NFIL3: variants seen among roughly 807,000 people sequenced by gnomAD.
The protein encoded by NFIL3 is nuclear factor interleukin-3-regulated protein.
A neutral mutation model predicts 10.0 loss-of-function variants in NFIL3; 5 were observed. The ratio of observed to expected loss-of-function variants is 0.50; its 90% CI spans 0.26 to 1.06. The LOEUF is 1.06. Among genes scored for constraint, NFIL3 ranks in the 50% least tolerant of loss-of-function variants. The probability of loss-of-function intolerance (pLI) is 0.13; values close to 1 mark genes in which losing one functional copy is unlikely to be tolerated. For missense variants in NFIL3, 436 were observed against 547.6 expected (o/e 0.80, Z 2.03); for synonymous variants, 202 against 206.5 (o/e 0.98, Z 0.19).
upstream of NFIL3, among the ~76,000 whole-genome samples, chr9:91,428,791 CAT>C (rs780442673): frequency 3.9e-5 from 6 of 152,186 alleles, no homozygotes; most frequent in Non-Finnish European, 7.3e-5. Context: ...AAAACTGAAA[CAT>C]GTCTTTAAAT....
At chr9:91,448,147 T>C in the NFIL3 span, among the ~76,000 whole-genome samples, 1 of 152,210 alleles carries the variant, frequency 6.6e-6, no homozygotes, top group African/African-American at 2.4e-5. Flanking sequence ...AATTTTATTC[T>C]AGTGCTCTTA....
At chr9:91,440,026 C>T in the NFIL3 span, among the ~76,000 whole-genome samples, 1 of 152,262 alleles carries the variant, frequency 6.6e-6, no homozygotes, top group African/African-American at 2.4e-5. Flanking sequence ...ATGCTTGCCT[C>T]ATAAAGTATG....
At chr9:91,439,737 G>A in the NFIL3 span, among the ~76,000 whole-genome samples, 19 of 152,032 alleles carry the variant, frequency 1.2e-4, no homozygotes, top group African/African-American at 4.3e-4. Context: ...GTTGGACTTC[G>A]TTAAATGCTT....
the NFIL3 span, among the ~76,000 whole-genome samples, chr9:91,450,217 C>G: frequency 1.3e-5 from 2 of 151,918 alleles, no homozygotes; most frequent in African/African-American, 4.8e-5. Flanking sequence ...TGCTATCTAA[C>G]CTTTATTCTT....
the NFIL3 span, among the ~76,000 whole-genome samples, chr9:91,440,878 A>G: frequency 6.6e-6 from 1 of 152,010 alleles, no homozygotes; most frequent in Non-Finnish European, 1.5e-5. Flanking sequence ...CTTCGATATG[A>G]TTTTAGTTTT....
the NFIL3 span, among the ~76,000 whole-genome samples, chr9:91,461,477 A>G: frequency 6.7e-6 from 1 of 149,760 alleles, no homozygotes; most frequent in African/African-American, 2.5e-5. Context: ...TTCGTGGCTT[A>G]AAACAACAGA....
the NFIL3 span, among the ~76,000 whole-genome samples, chr9:91,477,132 G>A: frequency 2.6e-5 from 4 of 152,280 alleles, no homozygotes; most frequent in Middle Eastern, 3.4e-3. Context: ...GTGGCCTCGA[G>A]AGCCTGAAAT....
In NFIL3 at chr9:91,409,553, T is replaced by C. The variant is rs1833498484; in HGVS notation, c.1182A>G (p.Lys394=). ...QVTNIQDWSL[K]SEHWHQKELS... The stretch of plus-strand genomic sequence containing the variant: ...GTTCTTTTTGATGCCAGTGCTCCGA[T>C]TTGAGAGACCAATCTTGAATGTTAG... Residue 394 remains lysine (K), a synonymous_variant, in exon 2 of 2, where the codon AAA becomes AAG. Transcript: ENST00000297689. 1 of 1,614,100 alleles carries C rather than the reference T, an allele frequency of 6.2e-7. No individual in the cohort carries two copies. The highest frequency in any genetic ancestry group is 1.3e-5 in the African/African-American group (1 of 75,058).
chr9:91,465,332 C>T, the NFIL3 span, among the ~76,000 whole-genome samples: 1 of 152,040 alleles, frequency 6.6e-6, no homozygotes, highest in Non-Finnish European at 1.5e-5. Context: ...TTTAACTGAC[C>T]TGTGTTAAAC....
rs1351576742 is a variant in NFIL3 at position 91,410,307 on chromosome 9, T to C, written c.428A>G (p.Asn143Ser). ...AYAQEIQKLS[N>S]STAVYFQDYQ... ...ATCTTGAAAGTACACAGCTGTAGAATTACTGAGTTTCTGAATCTCTTGAGC... is the reference window on the plus strand; with the variant it reads ...ATCTTGAAAGTACACAGCTGTAGAACTACTGAGTTTCTGAATCTCTTGAGC... Residue 143 changes from asparagine to serine, a missense_variant, in exon 2 of 2, where the codon AAT becomes AGT. By Grantham distance (46) the Asn-to-Ser change is conservative (BLOSUM62 1). Around this residue, in one of 3 missense-constraint regions of NFIL3, gnomAD observed 338 missense variants for 399.9 expected, o/e 0.85. Coordinates refer to ENST00000297689, the MANE Select transcript of NFIL3 (RefSeq NM_005384.3). The surrounding 1 kb of genome is among the most constrained non-coding windows in gnomAD (Gnocchi z 5.7). The C allele has an allele frequency of 6.2e-7, 1 of 1,614,202 alleles. No individual in the cohort carries two copies. The highest frequency in any genetic ancestry group is 2.2e-5 in the East Asian group (1 of 44,888).
At chr9:91,479,826 A>C in the NFIL3 span, among the ~76,000 whole-genome samples, 1 of 152,240 alleles carries the variant, frequency 6.6e-6, no homozygotes, top group African/African-American at 2.4e-5. Flanking sequence ...TGCAAAGACC[A>C]TGGGAAAAGC....
chr9:91,472,717 G>A, the NFIL3 span, among the ~76,000 whole-genome samples: 1 of 152,246 alleles, frequency 6.6e-6, no homozygotes, highest in Admixed American at 6.5e-5. Flanking sequence ...GCTCATCAAA[G>A]TCATTCTCCG....
chr9:91,466,862 A>C, the NFIL3 span, among the ~76,000 whole-genome samples: 1 of 152,182 alleles, frequency 6.6e-6, no homozygotes, highest in East Asian at 1.9e-4. Context: ...ATATTTAGTC[A>C]AATACTCTCC....
At chr9:91,442,233 G>T in the NFIL3 span, among the ~76,000 whole-genome samples, 1 of 152,060 alleles carries the variant, frequency 6.6e-6, no homozygotes, top group African/African-American at 2.4e-5. Flanking sequence ...GGCTAGCTTG[G>T]TTTTTTCTTT....
At chr9:91,419,350 G>A (rs1044407480) in intron 1 of NFIL3, among the ~76,000 whole-genome samples, 3 of 152,134 alleles carry the variant, frequency 2.0e-5, no homozygotes, top group Admixed American at 1.3e-4. Context: ...TCTCGAAATT[G>A]ACTCTAATGA....
At chr9:91,443,891 G>T in the NFIL3 span, among the ~76,000 whole-genome samples, 2 of 152,200 alleles carry the variant, frequency 1.3e-5, no homozygotes, top group Admixed American at 1.3e-4. Context: ...TTGACAGCTT[G>T]ATTATAATGT....
At chr9:91,431,602 C>A in the NFIL3 span, among the ~76,000 whole-genome samples, 1 of 152,154 alleles carries the variant, frequency 6.6e-6, no homozygotes, top group African/African-American at 2.4e-5. Context: ...CGAGAGAAAG[C>A]CAGCTGGAGA....
rs1833496433 is a variant in NFIL3, at chr9:91,409,489, C to T, written c.1246G>A (p.Val416Ile). Residue 416 changes from valine (V) to isoleucine (I), a missense_variant, in exon 2 of 2, where the codon GTT (valine) becomes ATT (isoleucine). Val to Ile is a conservative substitution (Grantham distance 29). Coordinates refer to ENST00000297689, the MANE Select transcript of NFIL3 (RefSeq NM_005384.3). ...KTQNSFKTGV[V>I]EMKDSGYKVS... The stretch of plus-strand genomic sequence containing the variant: ...TTGTAGCCACTGTCTTTCATTTCAA[C>T]AACTCCAGTTTTGAAACTATTCTGA... The T allele has an allele frequency of 6.2e-7, 1 of 1,614,158 alleles. No individual in the cohort carries two copies. Among genetic ancestry groups the T allele is most frequent in the East Asian group, 2.2e-5 (1 of 44,894 alleles).
the NFIL3 span, among the ~76,000 whole-genome samples, chr9:91,473,606 T>C: frequency 3.9e-5 from 6 of 152,248 alleles, no homozygotes; most frequent in Non-Finnish European, 7.3e-5. Flanking sequence ...TTCCAGGTAC[T>C]GTCTGTCACA....
Sources: allele counts gnomAD v4.1 joint callset (sites outside exome capture counted in the v4.1 genomes callset), GRCh38; gene constraint gnomAD v4.1.1; regional missense constraint gnomAD v4.1.1; non-coding constraint Gnocchi (gnomAD v3.1); transcripts MANE v1.5; gene names NCBI Gene and HGNC (gene_info 2026-07-23, HGNC 2026-07-21).